The following KCNK17 variants were observed in gnomAD, a reference collection of about 807,000 sequenced individuals.
KCNK17 encodes potassium two pore domain channel subfamily K member 17, also known as potassium channel subfamily K member 17.
KCNK17 carries 27 observed loss-of-function variants against 24.6 expected under a neutral mutation model. That is an observed-to-expected ratio of 1.10 (90% CI 0.81 to 1.51). The LOEUF (loss-of-function observed/expected upper bound fraction) is 1.51, where lower values mean the gene tolerates loss of function less well. Ranked by LOEUF, KCNK17 falls within the 40% of genes most tolerant of loss-of-function variation. The pLI, the probability that KCNK17 is intolerant of heterozygous loss-of-function variation, is 0.00. For missense variants in KCNK17, 450 were observed against 436.6 expected (o/e 1.03, Z -0.27); for synonymous variants, 181 against 189.8 (o/e 0.95, Z 0.38).
Position 39,314,260 on chromosome 6 carries a change from T to C in KCNK17, c.61A>G (p.Ser21Gly), listed in dbSNP as rs10947804. The change falls in exon 1 of 5, where the codon AGC becomes GGC. Residue 21 changes from serine (S) to glycine (G), a missense_variant. Coordinates refer to ENST00000373231, the MANE Select transcript of KCNK17 (RefSeq NM_031460.4). ...EGRVRGCAVP[S>G]TVLLLLAYLA... ...TAGGCGAGCAGCAGGAGCACGGTGC[T>C]GGGCACCGCGCAGCCCCGGACCCTG... The C allele has an allele frequency of 0.51, 776,989 of 1,531,334 alleles. 202,242 individuals are homozygous for C. The highest frequency in any genetic ancestry group is 0.84 in the African/African-American group (60,798 of 72,494). The allele number at this position is 1,531,334 out of a possible 1,614,324, so 94.9% of individuals were successfully genotyped here.
Position 39,310,901 on chromosome 6 carries a change from G to C in KCNK17, c.344C>G (p.Thr115Ser). ...CCCCATCTGGCCCTTACCAATGGTG[G>C]TGATGGTGGACACAGAAAAGAAGAA... Reference protein sequence around the residue: ...GSFFFSVSTITTIGYGNLSPN... With the variant: ...GSFFFSVSTISTIGYGNLSPN... Residue 115 changes from threonine (T) to serine (S), a missense_variant, in exon 2 of 5, where the codon ACC (threonine) becomes AGC (serine). Coordinates refer to ENST00000373231, the MANE Select transcript of KCNK17 (RefSeq NM_031460.4). 1.2e-6 allele frequency: 2 copies of C among 1,601,836 alleles called. No individual in the cohort carries two copies. Among genetic ancestry groups the C allele is most frequent in the Non-Finnish European group, 1.7e-6 (2 of 1,170,920 alleles).
chr6:39,306,767 T>TG (rs948692111), intron 2 of KCNK17, among the ~76,000 whole-genome samples: 1 of 63,916 alleles, frequency 1.6e-5, no homozygotes, highest in Non-Finnish European at 2.8e-5. Context: ...TCTTTCTTTG[T>TG]TTTTTTTTTT....
At chr6:39,300,192 G>A (rs1469288681) in intron 4 of KCNK17, among the ~76,000 whole-genome samples, 2 of 152,164 alleles carry the variant, frequency 1.3e-5, no homozygotes, top group African/African-American at 2.4e-5. Flanking sequence ...GCGTGATCTC[G>A]GCTCACTGCA....
chr6:39,301,825 C>T (rs1458496174), intron 4 of KCNK17, among the ~76,000 whole-genome samples: 2 of 152,166 alleles, frequency 1.3e-5, no homozygotes, highest in Non-Finnish European at 2.9e-5. Context: ...GCTGCTGATG[C>T]AGGGATGTGA....
intron 2 of KCNK17, among the ~76,000 whole-genome samples, chr6:39,307,640 A>G (rs1031272609): frequency 6.6e-6 from 1 of 152,044 alleles, no homozygotes; most frequent in Non-Finnish European, 1.5e-5. Flanking sequence ...TTTCCTCCCC[A>G]CTATTCTCAG....
At chr6:39,302,071 T>C (rs9462521) in intron 4 of KCNK17, among the ~76,000 whole-genome samples, 2,043 of 152,290 alleles carry the variant, frequency 0.013, 38 homozygotes, top group Admixed American at 0.04. Flanking sequence ...TCCATCTGTA[T>C]AAGGAAGATC....
At position 39,306,872 on chromosome 6, in the gene KCNK17, A is replaced by C. The variant is rs140803506; in HGVS notation, c.353-2217T>G. Among the ~76,000 whole-genome samples the C allele has an allele frequency of 8.3e-3, 1,221 of 146,910 alleles. 7 individuals are homozygous for C. Among genetic ancestry groups the C allele is most frequent in the Non-Finnish European group, 0.013 (900 of 67,210 alleles). On this transcript the variant is annotated intron_variant, in intron 2 of 4. Transcript: ENST00000373231. ...CTCTGACTCCCTGGTTTCAGCGATT[A>C]TCCTGCCTCAGCCTCCCGAGTAGCT...
At position 39,311,027 on chromosome 6, in the gene KCNK17, G is replaced by C; in HGVS notation, c.238-20C>G. 6.6e-7 allele frequency: 1 copy of C among 1,509,286 alleles called. No homozygotes were observed. Among genetic ancestry groups the C allele is most frequent in the Non-Finnish European group, 9.1e-7 (1 of 1,093,346 alleles). 93.5% of individuals were successfully genotyped at this position (1,509,286 alleles called of 1,614,324 possible). On this transcript the variant is annotated intron_variant, in intron 1 of 4. Transcript: ENST00000373231. ...GACATCCTGGGGAAGAGGCTGCAAT[G>C]ACCACCAGGCTCTGTGGGGTGATGG...
chr6:39,313,910 G>C (rs943810326), intron 1 of KCNK17, among the ~76,000 whole-genome samples, 174 bp downstream of exon 1: 14 of 152,166 alleles, frequency 9.2e-5, no homozygotes, highest in African/African-American at 3.1e-4. Context: ...CCAACCCTCT[G>C]GTCCCCGCGC....
In KCNK17 at chr6:39,310,876, C is replaced by G; in HGVS notation, c.352+17G>C. The G allele has an allele frequency of 2.0e-6, 3 of 1,475,700 alleles. No homozygotes were observed. The highest frequency in any genetic ancestry group is 2.8e-6 in the Non-Finnish European group (3 of 1,068,122). 91.4% of individuals were successfully genotyped at this position (1,475,700 alleles called of 1,614,324 possible). ...CCTTCCCCCACCCCCATCCCCCTGG[C>G]CCCATCTGGCCCTTACCAATGGTGG... On this transcript the variant is annotated intron_variant, in intron 2 of 4. Coordinates refer to ENST00000373231, the MANE Select transcript of KCNK17 (RefSeq NM_031460.4).
chr6:39,314,298 G>T lies in KCNK17; in HGVS notation c.23C>A (p.Ala8Glu), dbSNP rs747814509. The part of the protein sequence containing the change: MYRPRAR[A>E]APEGRVRGCA... ...GCCCCGGACCCTGCCCTCGGGAGCC[G>T]CCCGGGCTCGCGGTCGGTACATAGC... Residue 8 changes from alanine (A) to glutamate (E), a missense_variant, in exon 1 of 5, where the codon GCG becomes GAG. Transcript: ENST00000373231. The T allele has an allele frequency of 5.1e-5, 75 of 1,460,278 alleles. No individual in the cohort carries two copies. Among genetic ancestry groups the T allele is most frequent in the Non-Finnish European group, 6.3e-5 (70 of 1,109,946 alleles). 90.5% of individuals were successfully genotyped at this position (1,460,278 alleles called of 1,614,324 possible).
rs1291109766 is a variant in KCNK17 at position 39,314,144 on chromosome 6, C to G, written c.177G>C (p.Lys59Asn). The G allele has an allele frequency of 6.3e-6, 10 of 1,588,750 alleles. No homozygotes were observed. The South Asian group carries it at 9.1e-5, about 14-fold the overall frequency. Residue 59 changes from lysine to asparagine, a missense_variant, in exon 1 of 5, where the codon AAG becomes AAC. Lys to Asn is a moderately conservative substitution (Grantham distance 94, BLOSUM62 0). Coordinates refer to ENST00000373231, the MANE Select transcript of KCNK17 (RefSeq NM_031460.4). ...QDSSRSFQRD[K>N]WELLQNFTCL... ...ACGTGAAGTTCTGCAACAGCTCCCA[C>G]TTGTCGCGCTGGAAGCTGCGGCTGG...
chr6:39,312,909 C>T (rs1762166968), intron 1 of KCNK17, among the ~76,000 whole-genome samples: 1 of 152,214 alleles, frequency 6.6e-6, no homozygotes, highest in Non-Finnish European at 1.5e-5. Flanking sequence ...GCCCTGGCTA[C>T]CTCCTGACCT....
intron 2 of KCNK17, among the ~76,000 whole-genome samples, chr6:39,305,038 G>T (rs545153495): frequency 1.3e-5 from 2 of 152,326 alleles, no homozygotes; most frequent in South Asian, 4.1e-4. Flanking sequence ...TCCAGCTGTT[G>T]CACTCTTAGG....
At chr6:39,300,770 C>CTTA (rs1761940159) in intron 4 of KCNK17, among the ~76,000 whole-genome samples, 1 of 152,108 alleles carries the variant, frequency 6.6e-6, no homozygotes, top group South Asian at 2.1e-4. Context: ...CTTTCTGCCT[C>CTTA]TGGGCTTTTG....
At chr6:39,310,311 T>C (rs541481217) in intron 2 of KCNK17, among the ~76,000 whole-genome samples, 1 of 152,142 alleles carries the variant, frequency 6.6e-6, no homozygotes, top group Admixed American at 6.5e-5. Context: ...CAGGTGTCCC[T>C]GTGTGTGGGG....
Position 39,304,512 on chromosome 6 carries a change from G to C in KCNK17, c.496C>G (p.Leu166Val), listed in dbSNP as rs994962266. The C allele has an allele frequency of 4.3e-6, 7 of 1,613,294 alleles. No individual in the cohort carries two copies. In the Middle Eastern group the frequency reaches 5.0e-4, roughly 114 times the overall value. The change falls in exon 3 of 5, where the codon CTG (leucine) becomes GTG (valine). Residue 166 changes from leucine to valine, a missense_variant. By Grantham distance (32) the Leu-to-Val change is conservative (BLOSUM62 1). Coordinates refer to ENST00000373231, the MANE Select transcript of KCNK17 (RefSeq NM_031460.4). Reference sequence around the variant, plus strand: ...CCCCTCACCTGCCAGGTGCCCCCCAGCCTGCTGGCCCAGTGGTTTACTCCC... The same window carrying C: ...CCCCTCACCTGCCAGGTGCCCCCCACCCTGCTGGCCCAGTGGTTTACTCCC... ...QQGVNHWASR[L>V]GGTWQDPDKA... is the part of the protein sequence containing the mutation.
At position 39,314,280 on chromosome 6, in the gene KCNK17, A is replaced by T. The variant is rs751109636; in HGVS notation, c.41T>A (p.Val14Asp). 33 of 1,493,364 alleles carry T rather than the reference A, an allele frequency of 2.2e-5. No individual in the cohort carries two copies. The Admixed American group carries it at 2.6e-4, about 12-fold the overall frequency. The allele number at this position is 1,493,364 out of a possible 1,614,324, so 92.5% of individuals were successfully genotyped here. The change falls in exon 1 of 5, where the codon GTC (valine) becomes GAC (aspartate). Residue 14 changes from valine to aspartate, a missense_variant. Transcript: ENST00000373231. Reference protein sequence around the residue: ...PRARAAPEGRVRGCAVPSTVL... With the variant: ...PRARAAPEGRDRGCAVPSTVL... Reference sequence around the variant, plus strand: ...GGTGCTGGGCACCGCGCAGCCCCGGACCCTGCCCTCGGGAGCCGCCCGGGC... The same window carrying T: ...GGTGCTGGGCACCGCGCAGCCCCGGTCCCTGCCCTCGGGAGCCGCCCGGGC...
Position 39,314,199 on chromosome 6 carries a change from C to T in KCNK17, c.122G>A (p.Trp41Ter). ...CTGCGCCGCGCGGCCCTCCAGCGTC[C>T]AGAACACGCCGGTGCCCAGCGCCAG... ...AYLALGTGVFWTLEGRAAQDS... is the reference protein window; with the variant it reads ...AYLALGTGVF Residue 41 changes from tryptophan (W) to a stop codon, truncating the protein, a stop_gained, in exon 1 of 5, where the codon TGG becomes TAG. Coordinates refer to ENST00000373231, the MANE Select transcript of KCNK17 (RefSeq NM_031460.4). LOFTEE classifies it high-confidence loss of function. 6.5e-7 allele frequency: 1 copy of T among 1,548,704 alleles called. No individual in the cohort carries two copies. Among genetic ancestry groups the T allele is most frequent in the South Asian group, 1.2e-5 (1 of 84,640 alleles).
Sources: gnomAD v4.1 joint callset for allele counts (sites outside exome capture counted in the v4.1 genomes callset) on GRCh38, gnomAD v4.1.1 for gene constraint, MANE v1.5 for transcripts, NCBI Gene and HGNC (gene_info 2026-07-23, HGNC 2026-07-21) for gene names.